Variants in CD22 observed in about 807,000 individuals in gnomAD.
CD22 encodes CD22 molecule.
CD22 carries 51 observed loss-of-function variants against 94.7 expected under a neutral mutation model. The ratio of observed to expected loss-of-function variants is 0.54; its 90% confidence interval spans 0.43 to 0.68. The LOEUF (loss-of-function observed/expected upper bound fraction) is 0.68, where lower values mean the gene tolerates loss of function less well. CD22 is among the 30% of genes least tolerant of loss of function. The probability of loss-of-function intolerance (pLI) is 0.00; values close to 1 mark genes in which losing one functional copy is unlikely to be tolerated. For missense variants in CD22, 931 were observed against 1,060.4 expected, an observed-to-expected ratio of 0.88 and a Z score of 1.69; for synonymous variants, 424 against 422.5, an observed-to-expected ratio of 1.00 and a Z score of -0.04.
intron 1 of CD22, 120 bp from the exon 2 acceptor site, chr19:35,331,899 C>A: frequency 1.3e-6 from 2 of 1,559,194 alleles, no homozygotes; most frequent in South Asian, 2.4e-5. Context: ...CCCCATAATG[C>A]AACCAGACCC....
chr19:35,345,061 A>T lies in CD22; in HGVS notation c.2143A>T (p.Thr715Ser), dbSNP rs775031728. 1.6e-5 allele frequency: 26 copies of T among 1,613,916 alleles called. No individual in the cohort carries two copies. In the Admixed American group the frequency reaches 4.2e-4, roughly 26 times the overall value. The change falls in exon 11 of 14, where the codon ACA (threonine) becomes TCA (serine). Residue 715 changes from threonine to serine, a missense_variant. Transcript: ENST00000085219. The stretch of plus-strand genomic sequence containing the variant: ...GCCTTTATTTCTCAGTTGGAAGAGG[A>T]CACAGAGCCAGCAGGGGCTTCAGGA... Reference protein sequence around the residue: ...GLKLQRRWKRTQSQQGLQENS... With the variant: ...GLKLQRRWKRSQSQQGLQENS...
chr19:35,334,073 G>A (rs1460574636), intron 3 of CD22, among the ~76,000 whole-genome samples: 1 of 152,158 alleles, frequency 6.6e-6, no homozygotes, highest in Non-Finnish European at 1.5e-5. Context: ...CAAAGCAAGG[G>A]GACAGAAGAG....
chr19:35,340,179 G>A (rs1268883229), intron 6 of CD22, among the ~76,000 whole-genome samples: 1 of 152,128 alleles, frequency 6.6e-6, no homozygotes, highest in Non-Finnish European at 1.5e-5. Context: ...TTTGTGGAGT[G>A]TTTGCCACAC....
chr19:35,336,748 C>G, intron 4 of CD22: 1 of 190,266 alleles, frequency 5.3e-6, no homozygotes, highest in Non-Finnish European at 1.1e-5. Context: ...TTGCCCCACG[C>G]GGAGCCAGCG....
At chr19:35,335,859 A>C (rs375465795) in intron 3 of CD22, among the ~76,000 whole-genome samples, 177 bp from the exon 4 acceptor site, 1 of 152,150 alleles carries the variant, frequency 6.6e-6, no homozygotes. Flanking sequence ...CATCTCAAAA[A>C]AACAACAACA....
intron 4 of CD22, 100 bp downstream of exon 4, chr19:35,336,441 A>G: frequency 8.7e-7 from 1 of 1,153,110 alleles, no homozygotes; most frequent in Non-Finnish European, 1.2e-6. Flanking sequence ...AAGCCTGCAC[A>G]GACGGCGGCA....
chr19:35,332,638 C>G lies in CD22; in HGVS notation c.126C>G (p.Ile42Met), dbSNP rs749087732. The G allele has an allele frequency of 1.9e-6, 3 of 1,614,122 alleles. No homozygotes were observed. In the South Asian group the frequency reaches 3.3e-5, roughly 18 times the overall value. ...CCTGGGAGGGGGCCTGCGTCTGGAT[C>G]CCCTGCACCTACAGAGCCCTAGATG... The part of the protein sequence containing the change: ...LYAWEGACVW[I>M]PCTYRALDGD... The change falls in exon 3 of 14, where the codon ATC (isoleucine) becomes ATG (methionine). Residue 42 changes from isoleucine (I) to methionine (M), a missense_variant. Physicochemically the swap from Ile to Met is conservative, Grantham distance 10. Transcript: ENST00000085219.
Position 35,337,612 on chromosome 19 carries a change from G to A in CD22, c.719-143G>A. On this transcript the variant is annotated intron_variant, in intron 4 of 13. Transcript: ENST00000085219. This position sits in a 1 kb window ranked among gnomAD's most constrained non-coding sequence, Gnocchi z 4.4. Reference sequence around the variant, plus strand: ...GTAGAGGAAGTGGGAGGGGGAAGCTGAGAGCCGAGTTAGGAGGCTGTGACC... The same window carrying A: ...GTAGAGGAAGTGGGAGGGGGAAGCTAAGAGCCGAGTTAGGAGGCTGTGACC... 1.4e-6 allele frequency: 1 copy of A among 706,366 alleles called. No homozygotes were observed. The highest frequency in any genetic ancestry group is 1.8e-5 in the African/African-American group (1 of 55,954). The allele number at this position is 706,366 out of a possible 1,614,324, so 43.8% of individuals were successfully genotyped here. A position where few individuals can be genotyped will look rare whatever the true frequency, so the allele number is the denominator to read the frequency against.
At chr19:35,340,003 C>A (rs1412059933) in intron 6 of CD22, among the ~76,000 whole-genome samples, 1 of 152,128 alleles carries the variant, frequency 6.6e-6, no homozygotes, top group Non-Finnish European at 1.5e-5. Context: ...CATTGTAAGA[C>A]CCTTTTAACA....
intron 11 of CD22, 177 bp from the exon 12 acceptor site, chr19:35,345,420 CAAAAA>C (rs61349223): frequency 7.3e-3 from 1,132 of 155,416 alleles, no homozygotes; most frequent in South Asian, 0.012. Context: ...GACTCTGCCT[CAAAAA>C]AAAAAAAAAA....
At position 35,337,979 on chromosome 19, in the gene CD22, G is replaced by A. The variant is rs191141132; in HGVS notation, c.943G>A (p.Val315Met). 54 of 1,613,974 alleles carry A rather than the reference G, an allele frequency of 3.3e-5. No individual in the cohort carries two copies. In the Admixed American group the frequency reaches 7.0e-4, roughly 21 times the overall value. Residue 315 changes from valine (V) to methionine (M), a missense_variant, in exon 5 of 14, where the codon GTG becomes ATG. By Grantham distance (21) the Val-to-Met change is conservative (BLOSUM62 1). Coordinates refer to ENST00000085219, the MANE Select transcript of CD22 (RefSeq NM_001771.4). The surrounding 1 kb of genome is among the most constrained non-coding windows in gnomAD (Gnocchi z 4.4). ...GKYCCQVSND[V>M]GPGRSEEVFL... ...GTACTGCTGTCAGGTCTCCAATGAC[G>A]TGGGCCCGGGAAGGTCGGAAGAAGT...
At chr19:35,344,420 T>C (rs2066868435) in intron 9 of CD22, among the ~76,000 whole-genome samples, 1 of 152,250 alleles carries the variant, frequency 6.6e-6, no homozygotes, top group Non-Finnish European at 1.5e-5. Flanking sequence ...CAGTGCCCTC[T>C]TCAGGGCCTA....
At position 35,341,807 on chromosome 19, in the gene CD22, A is replaced by T. The variant is rs753051671; in HGVS notation, c.1877A>T (p.His626Leu). ...CESDANPPVSHYTWFDWNNQS... is the reference protein window; with the variant it reads ...CESDANPPVSLYTWFDWNNQS... The stretch of plus-strand genomic sequence containing the variant: ...AGCGACGCCAACCCTCCCGTCTCCC[A>T]CTACACCTGGTTTGACTGGAATAAC... The change falls in exon 9 of 14, where the codon CAC becomes CTC. Residue 626 changes from histidine (H) to leucine (L), a missense_variant. Coordinates refer to ENST00000085219, the MANE Select transcript of CD22 (RefSeq NM_001771.4). The surrounding 1 kb of genome is among the most constrained non-coding windows in gnomAD (Gnocchi z 4.0). The T allele has an allele frequency of 6.2e-7, 1 of 1,613,884 alleles. No individual in the cohort carries two copies. The highest frequency in any genetic ancestry group is 1.1e-5 in the South Asian group (1 of 91,082).
Position 35,332,622 on chromosome 19 carries a change from G to A in CD22, c.110G>A (p.Gly37Glu), listed in dbSNP as rs2066660999. Residue 37 changes from glycine to glutamate, a missense_variant, in exon 3 of 14, where the codon GGG becomes GAG. By Grantham distance (98) the Gly-to-Glu change is moderately conservative (BLOSUM62 -2). Transcript: ENST00000085219. ...EHPETLYAWE[G>E]ACVWIPCTYR... ...CCTGAAACCCTCTACGCCTGGGAGG[G>A]GGCCTGCGTCTGGATCCCCTGCACC... 6.2e-7 allele frequency: 1 copy of A among 1,614,090 alleles called. No individual in the cohort carries two copies. Among genetic ancestry groups the A allele is most frequent in the East Asian group, 2.2e-5 (1 of 44,886 alleles).
Position 35,341,839 on chromosome 19 carries a change from C to G in CD22, c.1909C>G (p.Leu637Val), listed in dbSNP as rs780917131. The G allele has an allele frequency of 1.9e-6, 3 of 1,614,000 alleles. No individual in the cohort carries two copies. The highest frequency in any genetic ancestry group is 1.7e-6 in the Non-Finnish European group (2 of 1,180,028). Residue 637 changes from leucine (L) to valine (V), a missense_variant, in exon 9 of 14, where the codon CTC (leucine) becomes GTC (valine). By Grantham distance (32) the Leu-to-Val change is conservative. Transcript: ENST00000085219. This position sits in a 1 kb window ranked among gnomAD's most constrained non-coding sequence, Gnocchi z 4.0. ...CTGGTTTGACTGGAATAACCAAAGC[C>G]TCCCCTACCACAGCCAGAAGCTGAG... is the stretch of plus-strand genomic sequence containing the variant. ...YTWFDWNNQS[L>V]PYHSQKLRLE...
chr19:35,335,372 A>T (rs895383198), intron 3 of CD22, among the ~76,000 whole-genome samples: 26 of 152,044 alleles, frequency 1.7e-4, no homozygotes, highest in African/African-American at 5.8e-4. Context: ...CCTGGGTAAC[A>T]TGGCAAGACC....
At position 35,345,314 on chromosome 19, in the gene CD22, G is replaced by A. The variant is rs903261536; in HGVS notation, c.2208+188G>A. On this transcript the variant is annotated intron_variant, in intron 11 of 13. Coordinates refer to ENST00000085219, the MANE Select transcript of CD22 (RefSeq NM_001771.4). ...TCCATGCCTGTAATTCCAGCTACTC[G>A]GGAGGCTGAGGCAGGAGAATCGCTT... 27 of 603,122 alleles carry A rather than the reference G, an allele frequency of 4.5e-5. 1 individual carries two copies. Among genetic ancestry groups the A allele is most frequent in the Middle Eastern group, 4.4e-4 (1 of 2,260 alleles). 37.4% of individuals were successfully genotyped at this position (603,122 alleles called of 1,614,324 possible).
intron 12 of CD22, 66 bp downstream of exon 12, chr19:35,345,786 C>A: frequency 8.9e-7 from 1 of 1,122,122 alleles, no homozygotes; most frequent in Non-Finnish European, 1.4e-6. Flanking sequence ...AGCTCTGTCC[C>A]GCCTGCCCTC....
chr19:35,336,758 G>A lies in CD22; in HGVS notation c.718+417G>A, dbSNP rs145528742. The A allele has an allele frequency of 3.9e-4, 74 of 187,964 alleles. 1 individual carries two copies. In the East Asian group the frequency reaches 7.8e-3, roughly 20 times the overall value. 11.6% of individuals were successfully genotyped at this position (187,964 alleles called of 1,614,324 possible). A position where few individuals can be genotyped will look rare whatever the true frequency, so the allele number is the denominator to read the frequency against. On this transcript the variant is annotated intron_variant, in intron 4 of 13. Transcript: ENST00000085219. ...AACTCTTGCCCCACGCGGAGCCAGC[G>A]CTGCAGTGAAAGAGACAGACAACAA...
Sources: allele counts gnomAD v4.1 joint callset (sites outside exome capture counted in the v4.1 genomes callset), GRCh38; gene constraint gnomAD v4.1.1; non-coding constraint Gnocchi (gnomAD v3.1); transcripts MANE v1.5; gene names NCBI Gene and HGNC (gene_info 2026-07-23, HGNC 2026-07-21).